The following CMTM4 variants were observed in gnomAD, a reference collection of about 807,000 sequenced individuals.
CMTM4 encodes CKLF-like MARVEL transmembrane domain-containing protein 4.
In CMTM4, 8 loss-of-function variants were observed where a neutral mutation model predicts 19.0. The ratio of observed to expected loss-of-function variants is 0.42; its 90% confidence interval spans 0.25 to 0.76. The LOEUF is 0.76. Ranked by LOEUF, CMTM4 falls within the 30% of genes least tolerant of loss-of-function variation. The pLI is 0.27. For synonymous variants in CMTM4, 106 were observed against 121.1 expected (o/e 0.88, Z 0.82); for missense variants, 228 against 290.2 (o/e 0.79, Z 1.56).
chr16:66,656,997 T>C (rs189726631), intron 1 of CMTM4, among the ~76,000 whole-genome samples: 61 of 152,154 alleles, frequency 4.0e-4, no homozygotes, highest in Middle Eastern at 3.4e-3. Context: ...AGGATTTTCA[T>C]TTATTAAACA....
chr16:66,625,186 G>A (rs2015711341), intron 2 of CMTM4, among the ~76,000 whole-genome samples: 1 of 152,138 alleles, frequency 6.6e-6, no homozygotes, highest in Non-Finnish European at 1.5e-5. Context: ...TGTAATCCCA[G>A]CACTTTGGGA....
chr16:66,685,871 C>T (rs537807220), intron 1 of CMTM4, among the ~76,000 whole-genome samples: 236 of 152,274 alleles, frequency 1.5e-3, no homozygotes, highest in Non-Finnish European at 2.0e-3. Flanking sequence ...TCTCGAACTC[C>T]TGAGCTCAGG....
At chr16:66,633,867 G>A (rs2015932808) in intron 2 of CMTM4, among the ~76,000 whole-genome samples, 1 of 150,764 alleles carries the variant, frequency 6.6e-6, no homozygotes, top group Admixed American at 6.6e-5. Context: ...TAAGGTATAT[G>A]CCCTTTTGTT....
chr16:66,660,645 T>C (rs2016484432), intron 1 of CMTM4, among the ~76,000 whole-genome samples: 1 of 152,226 alleles, frequency 6.6e-6, no homozygotes, highest in South Asian at 2.1e-4. Context: ...TTTTTTCTTT[T>C]AACTTAGAGG....
chr16:66,681,316 CTT>C (rs11339043), intron 1 of CMTM4, among the ~76,000 whole-genome samples: 1 of 146,858 alleles, frequency 6.8e-6, no homozygotes, highest in African/African-American at 2.5e-5. Flanking sequence ...CCTATTAAAT[CTT>C]TTTTTTTTTC....
At position 66,621,237 on chromosome 16, in the gene CMTM4, C is replaced by T. The variant is rs2015629674; in HGVS notation, c.*821G>A. The T allele has an allele frequency of 1.0e-6, 1 of 985,444 alleles. No homozygotes were observed. The highest frequency in any genetic ancestry group is 1.2e-6 in the Non-Finnish European group (1 of 829,942). The allele number at this position is 985,444 out of a possible 1,614,324, so 61.0% of individuals were successfully genotyped here. On this transcript the variant is annotated 3_prime_UTR_variant, in exon 4 of 4. Coordinates refer to ENST00000394106, the MANE Select transcript of CMTM4 (RefSeq NM_181521.3). ...GCGGTTCATGAAGCCAGCAAATGGG[C>T]AAGTGCTTTGGCTGGTGGAGTAGGC... is the stretch of plus-strand genomic sequence containing the variant.
intron 1 of CMTM4, among the ~76,000 whole-genome samples, chr16:66,683,194 C>CATATATATATATATATATACATAT (rs71378405): frequency 9.3e-6 from 1 of 107,720 alleles, no homozygotes; most frequent in Non-Finnish European, 1.8e-5. Flanking sequence ...TATATATATA[C>CATATATATATATATATATACATAT]ATATATATAT....
In CMTM4 at chr16:66,620,052, C is replaced by G. The variant is rs2015601110; in HGVS notation, c.*2006G>C. 1.0e-6 allele frequency: 1 copy of G among 985,414 alleles called. No individual in the cohort carries two copies. The highest frequency in any genetic ancestry group is 1.2e-6 in the Non-Finnish European group (1 of 829,918). 61.0% of individuals were successfully genotyped at this position (985,414 alleles called of 1,614,324 possible). On this transcript the variant is annotated 3_prime_UTR_variant, in exon 4 of 4. Coordinates refer to ENST00000394106, the MANE Select transcript of CMTM4 (RefSeq NM_181521.3). ...AAGTGAGCTGGGAAAACTTGGGCAACAAGCCCACCTGAATGGTGTTCTTGT... is the reference window on the plus strand; with the variant it reads ...AAGTGAGCTGGGAAAACTTGGGCAAGAAGCCCACCTGAATGGTGTTCTTGT...
intron 1 of CMTM4, among the ~76,000 whole-genome samples, chr16:66,666,786 G>C (rs1394643039): frequency 1.3e-5 from 2 of 152,182 alleles, no homozygotes; most frequent in African/African-American, 4.8e-5. Flanking sequence ...GATGGAGCTG[G>C]AGGCCATAAT....
chr16:66,627,877 G>A (rs1596907365), intron 2 of CMTM4, among the ~76,000 whole-genome samples: 1 of 152,128 alleles, frequency 6.6e-6, no homozygotes, highest in African/African-American at 2.4e-5. Context: ...GACCTGCCCC[G>A]GCACCGGTCT....
At chr16:66,672,030 T>TAC (rs942540093) in intron 1 of CMTM4, among the ~76,000 whole-genome samples, 21 of 150,068 alleles carry the variant, frequency 1.4e-4, no homozygotes, top group Admixed American at 4.7e-4. Flanking sequence ...TGTCTCAAAA[T>TAC]ACACACACAC....
chr16:66,689,596 G>C (rs904866319), intron 1 of CMTM4, among the ~76,000 whole-genome samples: 1 of 151,944 alleles, frequency 6.6e-6, no homozygotes, highest in Admixed American at 6.6e-5. Context: ...TTGTAGAGAA[G>C]GGGATTCACC....
chr16:66,661,871 T>C (rs2016505056), intron 1 of CMTM4, among the ~76,000 whole-genome samples: 1 of 152,124 alleles, frequency 6.6e-6, no homozygotes, highest in East Asian at 1.9e-4. Context: ...AGGCAGACAC[T>C]GCAGTGAGCT....
rs557080791 is a variant in CMTM4 at position 66,616,746 on chromosome 16, C to T, written c.*5312G>A. On this transcript the variant is annotated 3_prime_UTR_variant, in exon 4 of 4. Transcript: ENST00000394106. ...GGGGGAAGCAGCGTGAGTCAGGCCT[C>T]ACCCTGGTGCAAGGGCACCAGCAGG... 6.6e-6 allele frequency: 1 copy of T among 152,618 alleles called. No individual in the cohort carries two copies. The highest frequency in any genetic ancestry group is 2.4e-5 in the African/African-American group (1 of 41,568). 9.5% of individuals were successfully genotyped at this position (152,618 alleles called of 1,614,324 possible).
downstream of CMTM4, chr16:66,611,101 A>T (rs2015359438): frequency 5.2e-6 from 2 of 388,032 alleles, no homozygotes; most frequent in South Asian, 1.4e-4. Context: ...CTATTTGGAG[A>T]GTTTCACATA....
At chr16:66,693,029 G>C (rs1198213756) in intron 1 of CMTM4, among the ~76,000 whole-genome samples, 1 of 151,940 alleles carries the variant, frequency 6.6e-6, no homozygotes, top group East Asian at 1.9e-4. Context: ...TTTGAGACCA[G>C]CCTAGCCAAC....
chr16:66,625,340 A>T (rs2015715354), intron 2 of CMTM4, among the ~76,000 whole-genome samples: 1 of 152,010 alleles, frequency 6.6e-6, no homozygotes, highest in Non-Finnish European at 1.5e-5. Context: ...AGGCTGAGGC[A>T]GGAGAATCGC....
At chr16:66,639,119 T>C (rs887463431) in intron 1 of CMTM4, among the ~76,000 whole-genome samples, 1 of 152,212 alleles carries the variant, frequency 6.6e-6, no homozygotes, top group Non-Finnish European at 1.5e-5. Flanking sequence ...TATAATTCTC[T>C]ACTGCACCAT....
At chr16:66,598,585 C>A in the CMTM4 span, among the ~76,000 whole-genome samples, 1 of 152,024 alleles carries the variant, frequency 6.6e-6, no homozygotes, top group Admixed American at 6.6e-5. Flanking sequence ...CTGCCCCCAC[C>A]GCAGGCAACC....
Sources: gnomAD v4.1 joint callset for allele counts (sites outside exome capture counted in the v4.1 genomes callset) on GRCh38, gnomAD v4.1.1 for gene constraint, MANE v1.5 for transcripts, NCBI Gene and HGNC (gene_info 2026-07-23, HGNC 2026-07-21) for gene names.